HAPLN1: variants seen among roughly 807,000 people sequenced by gnomAD.
HAPLN1 encodes the protein hyaluronan and proteoglycan link protein 1, also known as Cartilage link protein.
A neutral mutation model predicts 36.5 loss-of-function variants in HAPLN1; 13 were observed. That is an observed-to-expected ratio of 0.36 (90% CI 0.23 to 0.57). The LOEUF (loss-of-function observed/expected upper bound fraction) is 0.57, where lower values mean the gene tolerates loss of function less well. Ranked by LOEUF, HAPLN1 falls within the 20% of genes least tolerant of loss-of-function variation. The pLI, the probability that HAPLN1 is intolerant of heterozygous loss-of-function variation, is 0.83. For synonymous variants in HAPLN1, 202 were observed against 169.8 expected, an observed-to-expected ratio of 1.19 and a Z score of -1.48; for missense variants, 407 against 439.7, an observed-to-expected ratio of 0.93 and a Z score of 0.66.
At chr5:83,683,188 C>T (rs1751046339) in intron 1 of HAPLN1, among the ~76,000 whole-genome samples, 1 of 152,156 alleles carries the variant, frequency 6.6e-6, no homozygotes, top group Admixed American at 6.5e-5. Context: ...TCAGGTTTTA[C>T]ATTGTTCTAA....
intron 2 of HAPLN1, among the ~76,000 whole-genome samples, chr5:83,654,423 T>C (rs1375471030): frequency 6.6e-6 from 1 of 152,252 alleles, no homozygotes; most frequent in Non-Finnish European, 1.5e-5. Context: ...CATAACTCTA[T>C]GTAATTCTAC....
At chr5:83,685,883 G>C (rs1375075251) in intron 1 of HAPLN1, 2 of 152,026 alleles carry the variant, frequency 1.3e-5, no homozygotes, top group Admixed American at 1.3e-4. Flanking sequence ...AATATGTGCT[G>C]CTTATTTGAA....
At chr5:83,711,412 CG>C (rs1751782602) in intron 1 of HAPLN1, among the ~76,000 whole-genome samples, 1 of 152,070 alleles carries the variant, frequency 6.6e-6, no homozygotes, top group Non-Finnish European at 1.5e-5. Flanking sequence ...GTGTGGAGGA[CG>C]GGGGCAGTTA....
chr5:83,692,142 A>G (rs925865591), intron 1 of HAPLN1, among the ~76,000 whole-genome samples: 2 of 151,942 alleles, frequency 1.3e-5, no homozygotes, highest in African/African-American at 4.8e-5. Flanking sequence ...AGCATCACTA[A>G]ACTGTGGGAC....
At chr5:83,716,888 C>T (rs1421060584) in intron 1 of HAPLN1, among the ~76,000 whole-genome samples, 2 of 151,964 alleles carry the variant, frequency 1.3e-5, no homozygotes, top group African/African-American at 2.4e-5. Context: ...AAAAATTAGC[C>T]GGGCATGGTG....
At chr5:83,717,788 GAAC>G (rs1751948184) in intron 1 of HAPLN1, among the ~76,000 whole-genome samples, 1 of 152,154 alleles carries the variant, frequency 6.6e-6, no homozygotes, top group East Asian at 1.9e-4. Flanking sequence ...AACTCCAAGT[GAAC>G]AACAAGTATA....
chr5:83,688,332 A>G (rs986901253), intron 1 of HAPLN1, among the ~76,000 whole-genome samples: 11 of 152,216 alleles, frequency 7.2e-5, no homozygotes, highest in African/African-American at 1.9e-4. Context: ...CTCATGAGGC[A>G]CCAGGCTCCA....
chr5:83,716,775 T>C (rs12518804), intron 1 of HAPLN1, among the ~76,000 whole-genome samples: 40,004 of 152,160 alleles, frequency 0.26, 6,003 homozygotes, highest in Non-Finnish European at 0.34. Flanking sequence ...CTCATGCCTG[T>C]AATCCCAGTA....
chr5:83,668,033 G>A (rs1041468659), intron 2 of HAPLN1, among the ~76,000 whole-genome samples: 2 of 152,148 alleles, frequency 1.3e-5, no homozygotes, highest in Non-Finnish European at 2.9e-5. Context: ...ATTTGGAAAG[G>A]CTGAACCAAA....
At chr5:83,703,667 G>C (rs1751561666) in intron 1 of HAPLN1, 1 of 152,044 alleles carries the variant, frequency 6.6e-6, no homozygotes, top group South Asian at 2.1e-4. Flanking sequence ...GAAGAAGAAT[G>C]AACAAAACCT....
intron 1 of HAPLN1, among the ~76,000 whole-genome samples, chr5:83,685,627 C>T (rs7703028): frequency 2.0e-5 from 3 of 152,108 alleles, no homozygotes; most frequent in African/African-American, 7.2e-5. Context: ...TTTTATTAGT[C>T]TTTATACTCC....
At chr5:83,717,012 A>G (rs1751928812) in intron 1 of HAPLN1, among the ~76,000 whole-genome samples, 1 of 152,164 alleles carries the variant, frequency 6.6e-6, no homozygotes, top group Non-Finnish European at 1.5e-5. Flanking sequence ...AGCCTGGGTG[A>G]CAGAGCAAGA....
chr5:83,704,255 G>C lies in HAPLN1; in HGVS notation c.-27+16534C>G, dbSNP rs556016280. On this transcript the variant is annotated intron_variant, in intron 1 of 4. Transcript: ENST00000274341. Reference sequence around the variant, plus strand: ...CCTGTCTTACAAGAGATCTTGAAAGGAGCACTAAGTATGGCAAGGAAAGAC... The same window carrying C: ...CCTGTCTTACAAGAGATCTTGAAAGCAGCACTAAGTATGGCAAGGAAAGAC... Among the ~76,000 whole-genome samples, 3 of 152,200 alleles carry C rather than the reference G, an allele frequency of 2.0e-5. No individual in the cohort carries two copies. The East Asian group carries it at 5.8e-4, about 29-fold the overall frequency.
At chr5:83,688,642 C>CTTTTTTTTTTTTTTTTTTTTTTTTTTTT (rs539790396) in intron 1 of HAPLN1, among the ~76,000 whole-genome samples, 1 of 80,560 alleles carries the variant, frequency 1.2e-5, no homozygotes, top group Non-Finnish European at 2.3e-5. Context: ...GCTTTTGATT[C>CTTTTTTTTTTTTTTTTTTTTTTTTTTTT]TTTTTTTTTT....
At chr5:83,710,417 A>C (rs1751753600) in intron 1 of HAPLN1, among the ~76,000 whole-genome samples, 1 of 152,112 alleles carries the variant, frequency 6.6e-6, no homozygotes, top group Non-Finnish European at 1.5e-5. Context: ...CAAAAAAAGC[A>C]CTGAAAAAAA....
intron 1 of HAPLN1, among the ~76,000 whole-genome samples, chr5:83,719,533 T>C (rs1342627009): frequency 2.0e-5 from 3 of 152,084 alleles, no homozygotes; most frequent in African/African-American, 7.2e-5. Flanking sequence ...ATCTGAAGAG[T>C]CCTTTGGTAT....
chr5:83,718,809 G>A (rs907507905), intron 1 of HAPLN1, among the ~76,000 whole-genome samples: 1 of 152,166 alleles, frequency 6.6e-6, no homozygotes, highest in Non-Finnish European at 1.5e-5. Context: ...AATAAAATGT[G>A]CATGGGGCAA....
Position 83,638,147 on chromosome 5 carries a change from A to T in HAPLN1, c.*3349T>A, listed in dbSNP as rs1026970901. On this transcript the variant is annotated 3_prime_UTR_variant, in exon 5 of 5. Coordinates refer to ENST00000274341, the MANE Select transcript of HAPLN1 (RefSeq NM_001884.4). ...GGAAATAATGTATTGACAGAGTTTG[A>T]CACAAAGAAAAATAGCTAAGATTCT... 2 of 152,008 alleles carry T rather than the reference A, an allele frequency of 1.3e-5. No individual in the cohort carries two copies. Among genetic ancestry groups the T allele is most frequent in the Non-Finnish European group, 2.9e-5 (2 of 67,910 alleles). The allele number at this position is 152,008 out of a possible 1,614,324, so 9.4% of individuals were successfully genotyped here. A position where few individuals can be genotyped will look rare whatever the true frequency, so the allele number is the denominator to read the frequency against.
intron 1 of HAPLN1, among the ~76,000 whole-genome samples, chr5:83,711,049 GA>G (rs1275577883): frequency 6.6e-6 from 1 of 152,132 alleles, no homozygotes; most frequent in Non-Finnish European, 1.5e-5. Flanking sequence ...AAAACTGGAG[GA>G]AATGAGATCC....
Sources: allele counts gnomAD v4.1 joint callset (sites outside exome capture counted in the v4.1 genomes callset), GRCh38; gene constraint gnomAD v4.1.1; transcripts MANE v1.5; gene names NCBI Gene and HGNC (gene_info 2026-07-23, HGNC 2026-07-21).